The following PPP1R9A variants were observed in gnomAD, a reference collection of about 807,000 sequenced individuals.
PPP1R9A encodes the protein protein phosphatase 1 regulatory subunit 9A.
PPP1R9A carries 59 observed loss-of-function variants against 141.9 expected under a neutral mutation model. The ratio of observed to expected loss-of-function variants is 0.42; its 90% confidence interval spans 0.34 to 0.52. The LOEUF (loss-of-function observed/expected upper bound fraction) is 0.52, where lower values mean the gene tolerates loss of function less well. Ranked by LOEUF, PPP1R9A falls within the 20% of genes least tolerant of loss-of-function variation. The pLI is 0.10. For missense variants in PPP1R9A, 1,444 were observed against 1,611.9 expected, an observed-to-expected ratio of 0.90 and a Z score of 1.78; for synonymous variants, 500 against 569.7, an observed-to-expected ratio of 0.88 and a Z score of 1.74.
rs370135108 is a variant in PPP1R9A, at chr7:95,120,855, T to C, written c.1649+23T>C. ...CAGGTAAATTAAGGACTGTTGTTAA[T>C]AACTTAAAATCTTTAGAGAACTTTC... On this transcript the variant is annotated intron_variant, in intron 4 of 19. Coordinates refer to ENST00000433360, the MANE Select transcript of PPP1R9A (RefSeq NM_001166160.2). 20 of 1,603,918 alleles carry C rather than the reference T, an allele frequency of 1.2e-5. No homozygotes were observed. In the African/African-American group the frequency reaches 2.3e-4, roughly 18 times the overall value.
chr7:95,269,074 C>A, intron 13 of PPP1R9A, 133 bp from the exon 14 acceptor site: 1 of 815,286 alleles, frequency 1.2e-6, no homozygotes, highest in Non-Finnish European at 1.9e-6. Context: ...ACCATGCATT[C>A]TCATCTGTAA....
chr7:95,261,153 T>C (rs1192388498), intron 12 of PPP1R9A, among the ~76,000 whole-genome samples: 1 of 152,172 alleles, frequency 6.6e-6, no homozygotes, highest in African/African-American at 2.4e-5. Flanking sequence ...TACATTGTTT[T>C]CAAGGTGGGT....
At chr7:95,249,573 C>CTCTTAACCA (rs1798591602) in intron 9 of PPP1R9A, among the ~76,000 whole-genome samples, 1 of 152,112 alleles carries the variant, frequency 6.6e-6, no homozygotes, top group African/African-American at 2.4e-5. Context: ...CAGAGATCCC[C>CTCTTAACCA]TCTTAACCAT....
intron 9 of PPP1R9A, among the ~76,000 whole-genome samples, chr7:95,248,999 G>A (rs1447973919): frequency 6.6e-6 from 1 of 152,014 alleles, no homozygotes; most frequent in Non-Finnish European, 1.5e-5. Context: ...TTTAAAGAAG[G>A]CATATAAAGT....
intron 7 of PPP1R9A, among the ~76,000 whole-genome samples, chr7:95,224,937 T>C (rs1378880019): frequency 1.5e-5 from 2 of 133,442 alleles, no homozygotes; most frequent in Middle Eastern, 3.5e-3. Context: ...ATGAACTTTG[T>C]TTTTTTAACC....
intron 2 of PPP1R9A, among the ~76,000 whole-genome samples, chr7:94,994,713 G>T (rs1336481925): frequency 6.6e-6 from 1 of 151,994 alleles, no homozygotes; most frequent in African/African-American, 2.4e-5. Flanking sequence ...GGCCAACATG[G>T]TGAAACCCCG....
At chr7:95,002,152 C>G (rs1464007171) in intron 2 of PPP1R9A, among the ~76,000 whole-genome samples, 1 of 152,054 alleles carries the variant, frequency 6.6e-6, no homozygotes, top group South Asian at 2.1e-4. Context: ...AACTTACTAA[C>G]CCCCAGTGAT....
At chr7:95,019,843 C>T (rs1805653414) in intron 2 of PPP1R9A, among the ~76,000 whole-genome samples, 1 of 152,160 alleles carries the variant, frequency 6.6e-6, no homozygotes, top group Admixed American at 6.5e-5. Context: ...CCAGCCATTC[C>T]ACTCCTAGTT....
At chr7:94,932,763 ATTTTTT>A (rs34284096) in intron 2 of PPP1R9A, among the ~76,000 whole-genome samples, 2 of 119,762 alleles carry the variant, frequency 1.7e-5, no homozygotes, top group Non-Finnish European at 1.7e-5. Flanking sequence ...TACCTGAAGC[ATTTTTT>A]TTTTTTTTTT....
At chr7:95,271,856 T>G (rs1291412448) in intron 14 of PPP1R9A, among the ~76,000 whole-genome samples, 2 of 152,186 alleles carry the variant, frequency 1.3e-5, no homozygotes, top group Admixed American at 1.3e-4. Flanking sequence ...TGTATGTTTC[T>G]TTTTTCCTGA....
intron 2 of PPP1R9A, among the ~76,000 whole-genome samples, chr7:94,991,315 G>C (rs983483533): frequency 3.0e-4 from 45 of 152,220 alleles, no homozygotes; most frequent in African/African-American, 1.0e-3. Flanking sequence ...TTGGCAATTT[G>C]TTTGTCTTTT....
intron 6 of PPP1R9A, among the ~76,000 whole-genome samples, chr7:95,201,023 G>A (rs1052790950): frequency 7.9e-5 from 12 of 152,154 alleles, no homozygotes; most frequent in African/African-American, 2.7e-4. Context: ...GAATAACTGG[G>A]TAACAAAAGA....
chr7:95,256,228 T>C (rs1799568539), intron 12 of PPP1R9A, among the ~76,000 whole-genome samples: 1 of 151,002 alleles, frequency 6.6e-6, no homozygotes, highest in African/African-American at 2.4e-5. Flanking sequence ...CTATTAAATA[T>C]CCTGTTAATA....
intron 2 of PPP1R9A, among the ~76,000 whole-genome samples, chr7:94,959,837 C>T (rs111312832): frequency 3.6e-4 from 54 of 151,760 alleles, no homozygotes; most frequent in African/African-American, 1.3e-3. Context: ...ATTTGATTCT[C>T]CTAAATATTT....
intron 4 of PPP1R9A, among the ~76,000 whole-genome samples, chr7:95,148,849 T>A (rs1293201953): frequency 6.6e-6 from 1 of 152,036 alleles, no homozygotes; most frequent in Non-Finnish European, 1.5e-5. Flanking sequence ...TACTTCGTGT[T>A]CCATTCTATG....
At chr7:95,114,952 A>G (rs1161835206) in intron 3 of PPP1R9A, among the ~76,000 whole-genome samples, 1 of 151,828 alleles carries the variant, frequency 6.6e-6, no homozygotes, top group Non-Finnish European at 1.5e-5. Flanking sequence ...GAAAAGCTAT[A>G]TCCTTGATTT....
intron 2 of PPP1R9A, among the ~76,000 whole-genome samples, chr7:95,003,681 A>G (rs1452683696): frequency 1.3e-5 from 2 of 152,172 alleles, no homozygotes; most frequent in Non-Finnish European, 2.9e-5. Flanking sequence ...ACTCTTTACA[A>G]TCACCTGGGA....
In PPP1R9A at chr7:94,941,346, G is replaced by A. The variant is rs146522965; in HGVS notation, c.1395+29838G>A. On this transcript the variant is annotated intron_variant, in intron 2 of 19. Coordinates refer to ENST00000433360, the MANE Select transcript of PPP1R9A (RefSeq NM_001166160.2). Reference sequence around the variant, plus strand: ...AATTGCCTAAACCTCAGTAAGATATGGAATTGTATCTTTACATGCATCTTT... The same window carrying A: ...AATTGCCTAAACCTCAGTAAGATATAGAATTGTATCTTTACATGCATCTTT... Among the ~76,000 whole-genome samples the A allele has an allele frequency of 5.9e-5, 9 of 152,138 alleles. No homozygotes were observed. In the East Asian group the frequency reaches 1.7e-3, roughly 29 times the overall value.
intron 2 of PPP1R9A, among the ~76,000 whole-genome samples, chr7:95,004,305 A>T (rs2151550540): frequency 6.6e-6 from 1 of 152,146 alleles, no homozygotes; most frequent in Non-Finnish European, 1.5e-5. Flanking sequence ...TATTTTGTAA[A>T]GAAATTTATT....
Sources: allele counts gnomAD v4.1 joint callset (sites outside exome capture counted in the v4.1 genomes callset), GRCh38; gene constraint gnomAD v4.1.1; transcripts MANE v1.5; gene names NCBI Gene and HGNC (gene_info 2026-07-23, HGNC 2026-07-21).